ITGBL1: variants seen among roughly 807,000 people sequenced by gnomAD.
ITGBL1 encodes the protein integrin beta-like protein 1.
A neutral mutation model predicts 68.5 loss-of-function variants in ITGBL1; 51 were observed. That is an observed-to-expected ratio of 0.74 (90% CI 0.59 to 0.94). ITGBL1 has a LOEUF of 0.94. ITGBL1 is among the 40% of genes least tolerant of loss of function. The pLI, the probability that ITGBL1 is intolerant of heterozygous loss-of-function variation, is 0.00. For synonymous variants in ITGBL1, 209 were observed against 227.3 expected, an observed-to-expected ratio of 0.92 and a Z score of 0.72; for missense variants, 649 against 647.4, an observed-to-expected ratio of 1.00 and a Z score of -0.03.
chr13:101,557,082 C>T (rs1394034485), intron 2 of ITGBL1, among the ~76,000 whole-genome samples: 1 of 152,206 alleles, frequency 6.6e-6, no homozygotes, highest in Non-Finnish European at 1.5e-5. Flanking sequence ...CGGTGCCATG[C>T]TGATGCACAG....
At chr13:101,705,124 C>G (rs2034226503) in intron 8 of ITGBL1, among the ~76,000 whole-genome samples, 1 of 151,826 alleles carries the variant, frequency 6.6e-6, no homozygotes, top group South Asian at 2.1e-4. Context: ...TTCCTAGTAT[C>G]CTGTCTTTCT....
chr13:101,485,261 T>C (rs753461302), intron 2 of ITGBL1, among the ~76,000 whole-genome samples: 3 of 152,168 alleles, frequency 2.0e-5, no homozygotes, highest in Non-Finnish European at 4.4e-5. Flanking sequence ...AAGATGAATC[T>C]ACACTAAGTC....
At chr13:101,535,655 T>A (rs751602079) in intron 2 of ITGBL1, among the ~76,000 whole-genome samples, 13 of 152,136 alleles carry the variant, frequency 8.5e-5, no homozygotes, top group Admixed American at 2.6e-4. Flanking sequence ...ACTGAAAACA[T>A]GTTGAAGCTA....
chr13:101,491,797 C>T (rs1419414114), intron 2 of ITGBL1, among the ~76,000 whole-genome samples: 2 of 152,098 alleles, frequency 1.3e-5, no homozygotes. Context: ...CCTGACAGGG[C>T]CCCGGTGTGT....
rs551319375 is a variant in ITGBL1 at position 101,598,233 on chromosome 13, A to T, written c.949A>T (p.Thr317Ser). Residue 317 changes from threonine (T) to serine (S), a missense_variant, in exon 7 of 11, where the codon ACG becomes TCG. Coordinates refer to ENST00000376180, the MANE Select transcript of ITGBL1 (RefSeq NM_004791.3). ...GKKCEHPQSC[T>S]LSAEESIRKC... ...GAAGTGTGAGCACCCACAGTCCTGC[A>T]CGCTGTCAGCTGAGGAGAGCATCAG... 6.2e-7 allele frequency: 1 copy of T among 1,613,904 alleles called. No homozygotes were observed. The highest frequency in any genetic ancestry group is 8.5e-7 in the Non-Finnish European group (1 of 1,179,932).
intron 2 of ITGBL1, among the ~76,000 whole-genome samples, chr13:101,528,207 TTC>T (rs1296735197): frequency 1.3e-5 from 2 of 151,614 alleles, no homozygotes; most frequent in African/African-American, 4.8e-5. Context: ...GTTTTTATAT[TTC>T]TGTCTTTCAG....
intron 3 of ITGBL1, among the ~76,000 whole-genome samples, chr13:101,572,447 G>A (rs948156803): frequency 6.6e-6 from 1 of 152,104 alleles, no homozygotes; most frequent in African/African-American, 2.4e-5. Flanking sequence ...GTGGGCTGGT[G>A]TACATGTCTG....
rs937593620 is a variant in ITGBL1 at position 101,652,878 on chromosome 13, A to G, written c.1016-39707A>G. Among the ~76,000 whole-genome samples, 6 of 152,220 alleles carry G rather than the reference A, an allele frequency of 3.9e-5. 1 individual carries two copies. In the South Asian group the frequency reaches 1.2e-3, roughly 32 times the overall value. On this transcript the variant is annotated intron_variant, in intron 7 of 10. Coordinates refer to ENST00000376180, the MANE Select transcript of ITGBL1 (RefSeq NM_004791.3). ...TTTGGGAGGCCGAGGCGGGCAGATC[A>G]CTGGAGGTCGAGAGTTTGAGACCAG... is the stretch of plus-strand genomic sequence containing the variant.
intron 2 of ITGBL1, among the ~76,000 whole-genome samples, chr13:101,502,811 C>T (rs10220217): frequency 0.063 from 9,597 of 152,092 alleles, 995 homozygotes; most frequent in African/African-American, 0.22. Flanking sequence ...TCATGTGCCT[C>T]GTTCCAGGAA....
chr13:101,555,995 A>G (rs559296862), intron 2 of ITGBL1, among the ~76,000 whole-genome samples: 18 of 152,334 alleles, frequency 1.2e-4, no homozygotes, highest in Admixed American at 1.2e-3. Context: ...CAGTTGTGTT[A>G]GGGCAACCTG....
At chr13:101,623,643 C>T (rs961299377) in intron 7 of ITGBL1, among the ~76,000 whole-genome samples, 1 of 152,164 alleles carries the variant, frequency 6.6e-6, no homozygotes, top group Non-Finnish European at 1.5e-5. Flanking sequence ...AGTGGGTTCA[C>T]CGTGAGTCAC....
chr13:101,618,657 C>T (rs998993474), intron 7 of ITGBL1, among the ~76,000 whole-genome samples: 4 of 152,150 alleles, frequency 2.6e-5, no homozygotes, highest in Non-Finnish European at 5.9e-5. Context: ...CGTGTACATA[C>T]GCATGCACAT....
intron 2 of ITGBL1, among the ~76,000 whole-genome samples, chr13:101,548,929 A>G (rs563467130): frequency 6.3e-4 from 96 of 151,998 alleles, no homozygotes; most frequent in African/African-American, 2.3e-3. Flanking sequence ...GAGTTGAAAA[A>G]TAAAGGCTTA....
At chr13:101,676,337 GATATAA>G (rs2033503150) in intron 7 of ITGBL1, among the ~76,000 whole-genome samples, 1 of 151,940 alleles carries the variant, frequency 6.6e-6, no homozygotes, top group African/African-American at 2.4e-5. Context: ...TATAGATATA[GATATAA>G]ATATAGATAT....
At chr13:101,705,881 A>C (rs997176120) in intron 8 of ITGBL1, among the ~76,000 whole-genome samples, 1 of 152,196 alleles carries the variant, frequency 6.6e-6, no homozygotes, top group Non-Finnish European at 1.5e-5. Flanking sequence ...AGTGCATAGC[A>C]AAATGCTCTG....
chr13:101,645,483 A>C (rs1010128997), intron 7 of ITGBL1, among the ~76,000 whole-genome samples: 1 of 150,238 alleles, frequency 6.7e-6, no homozygotes, highest in African/African-American at 2.5e-5. Flanking sequence ...GTATTTGGGC[A>C]CATTATAAAC....
downstream of ITGBL1, chr13:101,717,064 A>G (rs2034751850): frequency 6.6e-6 from 1 of 152,066 alleles, no homozygotes; most frequent in African/African-American, 2.4e-5. Flanking sequence ...TCCTAGAATA[A>G]TGTAGCAAAA....
chr13:101,503,334 G>A (rs2048974258), intron 2 of ITGBL1, among the ~76,000 whole-genome samples: 1 of 152,142 alleles, frequency 6.6e-6, no homozygotes. Context: ...CATTTAAGGG[G>A]TTCAGGAGGT....
At chr13:101,604,593 C>T (rs2030579201) in intron 7 of ITGBL1, among the ~76,000 whole-genome samples, 1 of 151,176 alleles carries the variant, frequency 6.6e-6, no homozygotes, top group Admixed American at 6.6e-5. Context: ...GTCACGGACC[C>T]TTTCTTTCTC....
Sources: gnomAD v4.1 joint callset for allele counts (sites outside exome capture counted in the v4.1 genomes callset) on GRCh38, gnomAD v4.1.1 for gene constraint, MANE v1.5 for transcripts, NCBI Gene and HGNC (gene_info 2026-07-23, HGNC 2026-07-21) for gene names.